Variants in MYT1L observed in about 807,000 individuals in gnomAD.
MYT1L encodes myelin transcription factor 1 like.
A neutral mutation model predicts 126.7 loss-of-function variants in MYT1L; 12 were observed. That is an observed-to-expected ratio of 0.09 (90% CI 0.06 to 0.15). The LOEUF (loss-of-function observed/expected upper bound fraction) is 0.15. Among genes scored for constraint, MYT1L ranks in the 10% least tolerant of loss-of-function variants. The pLI is 1.00. For missense variants in MYT1L, 979 were observed against 1,585.2 expected, an observed-to-expected ratio of 0.62 and a Z score of 6.49; for synonymous variants, 541 against 604.2, an observed-to-expected ratio of 0.90 and a Z score of 1.53.
intron 10 of MYT1L, among the ~76,000 whole-genome samples, chr2:1,921,676 C>T (rs1272724358): frequency 6.6e-6 from 1 of 152,148 alleles, no homozygotes; most frequent in African/African-American, 2.4e-5. Flanking sequence ...GAGGCCACAC[C>T]ATGCCTTGCA....
chr2:2,255,218 C>G (rs1226921444), intron 2 of MYT1L, among the ~76,000 whole-genome samples: 1 of 152,150 alleles, frequency 6.6e-6, no homozygotes, highest in African/African-American at 2.4e-5. Context: ...TCCTGCAGCT[C>G]CCCGTCCTGA....
chr2:2,166,856 T>C (rs895842011), intron 3 of MYT1L, among the ~76,000 whole-genome samples: 1 of 152,196 alleles, frequency 6.6e-6, no homozygotes, highest in African/African-American at 2.4e-5. Flanking sequence ...CAAATACATA[T>C]GTTTGTGCGA....
intron 2 of MYT1L, among the ~76,000 whole-genome samples, chr2:2,184,029 G>A (rs2091852199): frequency 1.4e-5 from 2 of 147,842 alleles, no homozygotes; most frequent in Non-Finnish European, 3.0e-5. Context: ...AAGAAAGACA[G>A]AAAGAGAGAA....
intron 2 of MYT1L, among the ~76,000 whole-genome samples, chr2:2,213,159 T>C (rs2093580395): frequency 6.6e-6 from 1 of 152,128 alleles, no homozygotes. Context: ...AACGGACAAA[T>C]ACAAAACAAT....
chr2:2,291,136 A>G (rs1238848777), intron 1 of MYT1L, among the ~76,000 whole-genome samples: 2 of 152,280 alleles, frequency 1.3e-5, no homozygotes, highest in Non-Finnish European at 1.5e-5. Flanking sequence ...AAATTCTCCT[A>G]TGCTGAGAAC....
At chr2:2,244,863 C>T (rs935548571) in intron 2 of MYT1L, among the ~76,000 whole-genome samples, 1 of 152,220 alleles carries the variant, frequency 6.6e-6, no homozygotes, top group Non-Finnish European at 1.5e-5. Flanking sequence ...CTCTAGCCAG[C>T]CACATCACCT....
chr2:2,067,979 C>T (rs1035488322), intron 3 of MYT1L, among the ~76,000 whole-genome samples: 2 of 151,972 alleles, frequency 1.3e-5, no homozygotes, highest in African/African-American at 4.8e-5. Context: ...TGTCCCCTGC[C>T]GTTTAATTAC....
intron 8 of MYT1L, among the ~76,000 whole-genome samples, chr2:1,946,690 A>C (rs569484108): frequency 6.6e-6 from 1 of 152,216 alleles, no homozygotes; most frequent in African/African-American, 2.4e-5. Flanking sequence ...AAGAAAAAAA[A>C]TTCATCTATA....
intron 21 of MYT1L, chr2:1,817,162 G>A (rs2037788690): frequency 6.6e-6 from 1 of 152,230 alleles, no homozygotes. Context: ...TATCTATTAG[G>A]GATCTCCCCA....
At position 1,910,008 on chromosome 2, in the gene MYT1L, T is replaced by C. The variant is rs1272580761; in HGVS notation, c.1817+232A>G. On this transcript the variant is annotated intron_variant, in intron 13 of 24. Coordinates refer to ENST00000647738, the MANE Select transcript of MYT1L (RefSeq NM_001303052.2). This position sits in a 1 kb window ranked among gnomAD's most constrained non-coding sequence, Gnocchi z 4.8. ...CCAGAAATGATTTCCTCCAATTCTC[T>C]CATGTAAATTGTCACAGCGAATCCG... is the stretch of plus-strand genomic sequence containing the variant. Among the ~76,000 whole-genome samples the C allele has an allele frequency of 6.6e-6, 1 of 152,138 alleles. No homozygotes were observed. The highest frequency in any genetic ancestry group is 6.5e-5 in the Admixed American group (1 of 15,278).
intron 4 of MYT1L, among the ~76,000 whole-genome samples, chr2:2,038,511 C>G (rs1232733500): frequency 6.6e-6 from 1 of 152,120 alleles, no homozygotes; most frequent in Non-Finnish European, 1.5e-5. Context: ...CTCCACTGGC[C>G]CAGTTCGGCT....
intron 18 of MYT1L, among the ~76,000 whole-genome samples, chr2:1,866,206 CT>C: frequency 6.6e-6 from 1 of 152,186 alleles, no homozygotes; most frequent in East Asian, 1.9e-4. Context: ...CCAAGGGGAT[CT>C]TTTTTATAAA....
At chr2:1,850,164 C>T (rs1282983769) in intron 19 of MYT1L, among the ~76,000 whole-genome samples, 2 of 133,126 alleles carry the variant, frequency 1.5e-5, no homozygotes, top group East Asian at 2.7e-4. Context: ...CCCTTCCCTT[C>T]CCTTCCCCTC....
rs2038354278 is a variant in MYT1L, at chr2:1,820,353, CTCTT to C, written c.3081-11190_3081-11187del. Among the ~76,000 whole-genome samples, 20 of 152,300 alleles carry C rather than the reference CTCTT, an allele frequency of 1.3e-4. No homozygotes were observed. In the South Asian group the frequency reaches 4.1e-3, roughly 32 times the overall value. ...TCTCACTTTGTCTCTGTTTGTCCCT[CTCTT>C]TCTCTGTATCCCCACTCCAGGTTCT... On this transcript the variant is annotated intron_variant, in intron 21 of 24. Coordinates refer to ENST00000647738, the MANE Select transcript of MYT1L (RefSeq NM_001303052.2).
At chr2:2,311,760 G>A (rs374394867) in intron 1 of MYT1L, among the ~76,000 whole-genome samples, 1 of 152,162 alleles carries the variant, frequency 6.6e-6, no homozygotes, top group African/African-American at 2.4e-5. Flanking sequence ...CCCACGCCAG[G>A]CCCTCGTTTT....
chr2:2,057,306 TTCA>T (rs1236414886), intron 3 of MYT1L, among the ~76,000 whole-genome samples: 1 of 151,888 alleles, frequency 6.6e-6, no homozygotes, highest in Non-Finnish European at 1.5e-5. Flanking sequence ...CCTTTTCCTG[TTCA>T]TCACCACGCC....
At chr2:1,896,988 C>A (rs1573348806) in intron 14 of MYT1L, among the ~76,000 whole-genome samples, 1 of 152,190 alleles carries the variant, frequency 6.6e-6, no homozygotes, top group Non-Finnish European at 1.5e-5. Context: ...GATGCTACAA[C>A]TAGATGACGC....
intron 2 of MYT1L, among the ~76,000 whole-genome samples, chr2:2,212,109 GT>G (rs1276764883): frequency 6.6e-6 from 1 of 152,050 alleles, no homozygotes; most frequent in Non-Finnish European, 1.5e-5. Context: ...GAAAATGGCG[GT>G]GTCTATATGC....
chr2:1,912,039 T>C lies in MYT1L; in HGVS notation c.1690A>G (p.Asn564Asp). Reference protein sequence around the residue: ...GCTGRGHVNSNRNSHRSLSGC... With the variant: ...GCTGRGHVNSDRNSHRSLSGC... ...GCTTACCTTCGGTGGGAGTTCCTGT[T>C]GCTGTTGACATGCCCGCGCCCCGTG... Residue 564 changes from asparagine to aspartate, a missense_variant, in exon 12 of 25, where the codon AAC becomes GAC. By Grantham distance (23) the Asn-to-Asp change is conservative. Around this residue, in one of 12 missense-constraint regions of MYT1L, gnomAD observed 82 missense variants for 177.2 expected, o/e 0.46. Transcript: ENST00000647738. The surrounding 1 kb of genome is among the most constrained non-coding windows in gnomAD (Gnocchi z 4.3). The C allele has an allele frequency of 6.3e-7, 1 of 1,595,408 alleles. No homozygotes were observed. The highest frequency in any genetic ancestry group is 8.6e-7 in the Non-Finnish European group (1 of 1,167,494).
Sources: allele counts gnomAD v4.1 joint callset (sites outside exome capture counted in the v4.1 genomes callset), GRCh38; gene constraint gnomAD v4.1.1; regional missense constraint gnomAD v4.1.1; non-coding constraint Gnocchi (gnomAD v3.1); transcripts MANE v1.5; gene names NCBI Gene and HGNC (gene_info 2026-07-23, HGNC 2026-07-21).